Variants in MARCHF1 observed in about 807,000 individuals in gnomAD.
MARCHF1 encodes E3 ubiquitin-protein ligase MARCHF1.
A neutral mutation model predicts 54.2 loss-of-function variants in MARCHF1; 40 were observed. That is an observed-to-expected ratio of 0.74 (90% CI 0.57 to 0.96). MARCHF1 has a LOEUF of 0.96. MARCHF1 is among the 40% of genes least tolerant of loss of function. The probability of loss-of-function intolerance (pLI) is 0.00; values close to 1 mark genes in which losing one functional copy is unlikely to be tolerated. For synonymous variants in MARCHF1, 236 were observed against 236.3 expected (o/e 1.00, Z 0.01); for missense variants, 586 against 656.5 (o/e 0.89, Z 1.17).
At chr4:164,060,033 G>C (rs929697758) in intron 2 of MARCHF1, among the ~76,000 whole-genome samples, 1 of 151,902 alleles carries the variant, frequency 6.6e-6, no homozygotes, top group African/African-American at 2.4e-5. Context: ...TAAACATTTT[G>C]CCTCAATTAA....
chr4:163,534,229 A>G (rs1402948224), intron 9 of MARCHF1, among the ~76,000 whole-genome samples: 2 of 151,854 alleles, frequency 1.3e-5, no homozygotes, highest in Non-Finnish European at 2.9e-5. Context: ...TACTACCAAC[A>G]CTCTTTCCTG....
intron 2 of MARCHF1, among the ~76,000 whole-genome samples, chr4:164,099,337 T>C (rs1755485162): frequency 6.6e-6 from 1 of 152,242 alleles, no homozygotes; most frequent in Non-Finnish European, 1.5e-5. Flanking sequence ...CTTTCAATGT[T>C]AAAGAGATTT....
intron 1 of MARCHF1, among the ~76,000 whole-genome samples, chr4:164,171,704 C>T (rs546594181): frequency 6.6e-6 from 1 of 152,096 alleles, no homozygotes; most frequent in African/African-American, 2.4e-5. Context: ...AACTTATCAT[C>T]AAGGTCCTCA....
Position 164,269,697 on chromosome 4 carries a change from A to G in MARCHF1, c.-323+114173T>C, listed in dbSNP as rs542782159. Among the ~76,000 whole-genome samples the G allele has an allele frequency of 1.9e-4, 29 of 152,070 alleles. 1 individual carries two copies. In the East Asian group the frequency reaches 4.4e-3, roughly 23 times the overall value. ...AACAGTGCAATTAAACGTTCTTTGC[A>G]TGTTTGCTAGAACTCACCTGTAAAA... is the stretch of plus-strand genomic sequence containing the variant. On this transcript the variant is annotated intron_variant, in intron 1 of 9. Transcript: ENST00000514618.
At chr4:163,590,216 A>G (rs1468596565) in intron 7 of MARCHF1, among the ~76,000 whole-genome samples, 1 of 149,432 alleles carries the variant, frequency 6.7e-6, no homozygotes, top group East Asian at 2.0e-4. Flanking sequence ...TGGTAGAATC[A>G]TATTTTTTTC....
intron 1 of MARCHF1, among the ~76,000 whole-genome samples, chr4:164,294,996 G>A (rs1408276432): frequency 6.6e-6 from 1 of 152,012 alleles, no homozygotes; most frequent in Non-Finnish European, 1.5e-5. Context: ...AATTAATTTG[G>A]CATAGGTAGA....
chr4:163,640,891 G>A (rs114362049), intron 5 of MARCHF1, among the ~76,000 whole-genome samples: 2,433 of 151,856 alleles, frequency 0.016, 76 homozygotes, highest in African/African-American at 0.051. Context: ...ATTATCTATC[G>A]CGAAGAGAAT....
At chr4:164,283,728 C>CA (rs1479671397) in intron 1 of MARCHF1, among the ~76,000 whole-genome samples, 1 of 150,744 alleles carries the variant, frequency 6.6e-6, no homozygotes, top group Non-Finnish European at 1.5e-5. Flanking sequence ...AAATTACCAA[C>CA]AGAGTCATTA....
At chr4:164,269,896 T>C (rs1733700257) in intron 1 of MARCHF1, among the ~76,000 whole-genome samples, 1 of 152,192 alleles carries the variant, frequency 6.6e-6, no homozygotes, top group South Asian at 2.1e-4. Context: ...TTTCATGATA[T>C]TCTTTACAGT....
In MARCHF1 at chr4:163,891,157, T is replaced by C. The variant is rs80275690; in HGVS notation, c.-38-36988A>G. 7.7e-3 allele frequency among the ~76,000 whole-genome samples: 1,165 copies of C among 152,166 alleles called. 21 individuals carry two copies. The highest frequency in any genetic ancestry group is 0.027 in the African/African-American group (1,112 of 41,486). On this transcript the variant is annotated intron_variant, in intron 3 of 9. Transcript: ENST00000514618. The stretch of plus-strand genomic sequence containing the variant: ...ATTTTGAGATCTCTATTGTATATGT[T>C]TTTGTAATCATTATTGCCATGCTTT...
chr4:163,601,514 A>G (rs7692553), intron 7 of MARCHF1, among the ~76,000 whole-genome samples: 64,257 of 151,830 alleles, frequency 0.42, 13,808 homozygotes, highest in East Asian at 0.49. Context: ...TTGTTCTTAA[A>G]TTAAGAAGTA....
In MARCHF1 at chr4:163,682,368, G is replaced by A. The variant is rs572357715; in HGVS notation, c.162+18445C>T. On this transcript the variant is annotated intron_variant, in intron 5 of 9. Transcript: ENST00000514618. ...GCAGAAATTTGCATAAGTAATGAGGGGCCGAATGTTAATCACCAAGAGACA... is the reference window on the plus strand; with the variant it reads ...GCAGAAATTTGCATAAGTAATGAGGAGCCGAATGTTAATCACCAAGAGACA... 2.3e-3 allele frequency among the ~76,000 whole-genome samples: 345 copies of A among 152,258 alleles called. 2 individuals are homozygous for A. The highest frequency in any genetic ancestry group is 7.7e-3 in the African/African-American group (319 of 41,528).
At chr4:164,095,681 A>T (rs1755396000) in intron 2 of MARCHF1, among the ~76,000 whole-genome samples, 1 of 152,148 alleles carries the variant, frequency 6.6e-6, no homozygotes, top group African/African-American at 2.4e-5. Flanking sequence ...CTATCTCTGA[A>T]ATTATTCTAA....
At chr4:163,893,265 AG>A (rs1430397537) in intron 3 of MARCHF1, among the ~76,000 whole-genome samples, 2 of 151,946 alleles carry the variant, frequency 1.3e-5, no homozygotes, top group East Asian at 1.9e-4. Flanking sequence ...CAGTCTCCTG[AG>A]TAGCTGGGAT....
At chr4:164,359,381 C>T (rs931269604) in intron 1 of MARCHF1, among the ~76,000 whole-genome samples, 3 of 152,130 alleles carry the variant, frequency 2.0e-5, no homozygotes, top group African/African-American at 7.2e-5. Context: ...AAGTGAGATC[C>T]TTCCATCAAG....
intron 2 of MARCHF1, among the ~76,000 whole-genome samples, chr4:164,061,229 G>A (rs959741183): frequency 6.6e-6 from 1 of 151,978 alleles, no homozygotes; most frequent in Non-Finnish European, 1.5e-5. Flanking sequence ...ATTTCTATCA[G>A]TTCAGAAACT....
chr4:164,263,414 T>C (rs946787891), intron 1 of MARCHF1, among the ~76,000 whole-genome samples: 1 of 152,142 alleles, frequency 6.6e-6, no homozygotes, highest in Admixed American at 6.6e-5. Flanking sequence ...GTGGTTTTGC[T>C]ATGTCACTCT....
chr4:164,165,174 ATAT>A (rs1359825274), intron 1 of MARCHF1, among the ~76,000 whole-genome samples: 2 of 152,030 alleles, frequency 1.3e-5, no homozygotes, highest in Admixed American at 1.3e-4. Flanking sequence ...CCCAGAGACA[ATAT>A]TATATCTATT....
intron 1 of MARCHF1, among the ~76,000 whole-genome samples, chr4:164,217,561 T>G (rs1388583535): frequency 6.6e-6 from 1 of 152,146 alleles, no homozygotes; most frequent in Non-Finnish European, 1.5e-5. Flanking sequence ...ATGACATAAA[T>G]AAAGGCCATG....
Sources: allele counts gnomAD v4.1 joint callset (sites outside exome capture counted in the v4.1 genomes callset), GRCh38; gene constraint gnomAD v4.1.1; transcripts MANE v1.5; gene names NCBI Gene and HGNC (gene_info 2026-07-23, HGNC 2026-07-21).